Variants in LHPP observed in about 807,000 individuals in gnomAD.
LHPP encodes hLHPP.
In LHPP, 24 loss-of-function variants were observed where a neutral mutation model predicts 30.3. That is an observed-to-expected ratio of 0.79 (90% CI 0.57 to 1.11). The LOEUF (loss-of-function observed/expected upper bound fraction) is 1.11, where lower values mean the gene tolerates loss of function less well. Ranked by LOEUF, LHPP falls within the 50% of genes most tolerant of loss-of-function variation. The pLI is 0.00. For synonymous variants in LHPP, 150 were observed against 157.1 expected, an observed-to-expected ratio of 0.95 and a Z score of 0.34; for missense variants, 356 against 367.2, an observed-to-expected ratio of 0.97 and a Z score of 0.25.
Position 124,557,924 on chromosome 10 carries a change from C to T in LHPP, c.716+40653C>T, listed in dbSNP as rs56829748. On this transcript the variant is annotated intron_variant, in intron 6 of 6. Coordinates refer to ENST00000368842, the MANE Select transcript of LHPP (RefSeq NM_022126.4). ...CTTAGGGCATGGCAGGGGTGGGGTG[C>T]GTTGCCTGCAGCCTGGGGCGGCCTC... Among the ~76,000 whole-genome samples the T allele has an allele frequency of 4.5e-3, 678 of 152,192 alleles. 2 individuals are homozygous for T. Among genetic ancestry groups the T allele is most frequent in the African/African-American group, 0.015 (640 of 41,524 alleles).
chr10:124,546,688 G>A (rs1955352816), intron 6 of LHPP, among the ~76,000 whole-genome samples: 1 of 151,840 alleles, frequency 6.6e-6, no homozygotes, highest in South Asian at 2.1e-4. Flanking sequence ...GGAATTACAG[G>A]CGTGAGCCAC....
At chr10:124,489,797 T>C in intron 3 of LHPP, 1 of 203,098 alleles carries the variant, frequency 4.9e-6, no homozygotes, top group South Asian at 7.2e-5. Context: ...ATAAGTTTAT[T>C]CAATGCAAAA....
At chr10:124,608,032 G>A (rs1949118454) in intron 6 of LHPP, among the ~76,000 whole-genome samples, 1 of 152,166 alleles carries the variant, frequency 6.6e-6, no homozygotes, top group Non-Finnish European at 1.5e-5. Flanking sequence ...GCGTTGCAGG[G>A]GCAGAGGGCA....
chr10:124,538,849 A>C (rs1955105882), intron 6 of LHPP, among the ~76,000 whole-genome samples: 1 of 152,214 alleles, frequency 6.6e-6, no homozygotes, highest in Admixed American at 6.5e-5. Flanking sequence ...TGACCAGTGC[A>C]GGCTCTCACA....
intron 6 of LHPP, among the ~76,000 whole-genome samples, chr10:124,606,003 G>A (rs1020994388): frequency 1.2e-4 from 19 of 152,182 alleles, no homozygotes; most frequent in Non-Finnish European, 2.8e-4. Context: ...TCCGAAACCC[G>A]GGCAGCAGGA....
At chr10:124,472,582 G>A (rs1288526035) in intron 1 of LHPP, among the ~76,000 whole-genome samples, 4 of 146,896 alleles carry the variant, frequency 2.7e-5, no homozygotes, top group Non-Finnish European at 5.9e-5. Flanking sequence ...TTTTTGAGAC[G>A]CAGTCTCGCT....
intron 6 of LHPP, among the ~76,000 whole-genome samples, chr10:124,562,946 G>GA (rs71026100): frequency 5.8e-5 from 8 of 138,642 alleles, no homozygotes; most frequent in South Asian, 2.3e-4. Context: ...AAAAAAAAAA[G>GA]AAAAAAAAAA....
At chr10:124,481,342 G>A (rs953096926) in intron 1 of LHPP, among the ~76,000 whole-genome samples, 3 of 150,968 alleles carry the variant, frequency 2.0e-5, no homozygotes, top group African/African-American at 7.3e-5. Context: ...CTCTCTCACT[G>A]GTGGGGAATC....
chr10:124,601,466 A>G (rs897292), intron 6 of LHPP, among the ~76,000 whole-genome samples: 90,851 of 152,026 alleles, frequency 0.6, 27,335 homozygotes, highest in East Asian at 0.68. Context: ...TCCAGCCAGG[A>G]TTGGGGGTTC....
intron 5 of LHPP, among the ~76,000 whole-genome samples, chr10:124,514,650 T>C (rs1162634510): frequency 6.6e-6 from 1 of 152,236 alleles, no homozygotes; most frequent in African/African-American, 2.4e-5. Flanking sequence ...AATTTGATTA[T>C]GATGTGCCTT....
intron 6 of LHPP, among the ~76,000 whole-genome samples, chr10:124,610,498 T>TGAGG (rs1644137713): frequency 9.0e-6 from 1 of 111,508 alleles, no homozygotes; most frequent in African/African-American, 4.3e-5. Context: ...AGGGTGAGGG[T>TGAGG]GTTGACGGAG....
intron 6 of LHPP, among the ~76,000 whole-genome samples, chr10:124,557,082 C>T (rs894483748): frequency 1.3e-5 from 2 of 152,112 alleles, no homozygotes; most frequent in African/African-American, 4.8e-5. Flanking sequence ...CCCAACTCCT[C>T]GAAGTGTTGA....
intron 6 of LHPP, among the ~76,000 whole-genome samples, chr10:124,587,400 C>T (rs1948818761): frequency 6.6e-6 from 1 of 151,972 alleles, no homozygotes. Flanking sequence ...ATGTCCCCTC[C>T]ACTTCTACCT....
intron 6 of LHPP, among the ~76,000 whole-genome samples, chr10:124,588,531 G>T (rs972374580): frequency 1.3e-5 from 2 of 152,064 alleles, no homozygotes; most frequent in African/African-American, 4.8e-5. Flanking sequence ...TGATCCGCCC[G>T]CCCAAAGTGC....
intron 6 of LHPP, among the ~76,000 whole-genome samples, chr10:124,603,167 G>A (rs929515458): frequency 6.6e-6 from 1 of 152,220 alleles, no homozygotes; most frequent in African/African-American, 2.4e-5. Context: ...CACCTGCAGT[G>A]CGCTCATGCC....
In LHPP at chr10:124,592,422, C is replaced by G. The variant is rs1160890638; in HGVS notation, c.717-20842C>G. Among the ~76,000 whole-genome samples the G allele has an allele frequency of 6.6e-6, 1 of 152,232 alleles. No individual in the cohort carries two copies. Among genetic ancestry groups the G allele is most frequent in the East Asian group, 1.9e-4 (1 of 5,198 alleles). ...GACCTAGGGCTCAGGTTTGAGCTTT[C>G]ATGATGAGACCCTGAGGTCACTGGC... On this transcript the variant is annotated intron_variant, in intron 6 of 6. Transcript: ENST00000368842. This position sits in a 1 kb window ranked among gnomAD's most constrained non-coding sequence, Gnocchi z 6.2.
At chr10:124,580,728 T>C (rs12773464) in intron 6 of LHPP, among the ~76,000 whole-genome samples, 12 of 99,934 alleles carry the variant, frequency 1.2e-4, no homozygotes, top group East Asian at 1.2e-3. Flanking sequence ...TTTCTTTTTT[T>C]TTTTTTTGAG....
chr10:124,553,852 T>C (rs1437354014), intron 6 of LHPP: 35 of 982,650 alleles, frequency 3.6e-5, no homozygotes, highest in Non-Finnish European at 4.2e-5. Context: ...CTCCTCTGTC[T>C]GCAGAAGGAG....
At chr10:124,491,481 G>A (rs1029652457) in intron 3 of LHPP, among the ~76,000 whole-genome samples, 4 of 152,196 alleles carry the variant, frequency 2.6e-5, no homozygotes, top group African/African-American at 4.8e-5. Context: ...TGCAAGTGGG[G>A]TTGTTGAAGC....
Sources: gnomAD v4.1 joint callset for allele counts (sites outside exome capture counted in the v4.1 genomes callset) on GRCh38, gnomAD v4.1.1 for gene constraint, Gnocchi (gnomAD v3.1) non-coding constraint, MANE v1.5 for transcripts, NCBI Gene and HGNC (gene_info 2026-07-23, HGNC 2026-07-21) for gene names.